Variants in PLCL1 observed in about 807,000 individuals in gnomAD.
PLCL1 encodes phospholipase C like 1 (inactive).
PLCL1 carries 41 observed loss-of-function variants against 84.4 expected under a neutral mutation model. The ratio of observed to expected loss-of-function variants is 0.49; its 90% CI spans 0.38 to 0.63. The LOEUF (loss-of-function observed/expected upper bound fraction) is 0.63, where lower values mean the gene tolerates loss of function less well. Among genes scored for constraint, PLCL1 ranks in the 30% least tolerant of loss-of-function variants. PLCL1 has a pLI of 0.00. For synonymous variants in PLCL1, 490 were observed against 488.3 expected, an observed-to-expected ratio of 1.00 and a Z score of -0.05; for missense variants, 1,206 against 1,367.8, an observed-to-expected ratio of 0.88 and a Z score of 1.87.
chr2:198,121,964 C>T (rs1693877805), intron 5 of PLCL1, among the ~76,000 whole-genome samples: 1 of 152,010 alleles, frequency 6.6e-6, no homozygotes, highest in Non-Finnish European at 1.5e-5. Context: ...GTTTCTAGAT[C>T]AGTGCTTCAG....
intron 1 of PLCL1, among the ~76,000 whole-genome samples, chr2:197,985,458 T>C (rs1690201731): frequency 6.6e-6 from 1 of 152,198 alleles, no homozygotes; most frequent in African/African-American, 2.4e-5. Flanking sequence ...GCTCACTTCA[T>C]ATAGGATGAA....
intron 1 of PLCL1, among the ~76,000 whole-genome samples, chr2:197,976,475 G>A (rs2105801216): frequency 6.6e-6 from 1 of 151,934 alleles, no homozygotes; most frequent in African/African-American, 2.4e-5. Flanking sequence ...CTTTCTCAGA[G>A]TCTCACTCTG....
At chr2:198,016,356 A>G (rs915646432) in intron 1 of PLCL1, among the ~76,000 whole-genome samples, 5 of 152,212 alleles carry the variant, frequency 3.3e-5, no homozygotes, top group African/African-American at 1.2e-4. Flanking sequence ...ACTTGAAAAC[A>G]TTGAATTTGC....
chr2:197,943,590 CA>C (rs1651231997), intron 1 of PLCL1, among the ~76,000 whole-genome samples: 1 of 149,598 alleles, frequency 6.7e-6, no homozygotes, highest in African/African-American at 2.5e-5. Context: ...TCACTTCTTC[CA>C]TATATAATTG....
chr2:197,888,334 T>C (rs1246052075), intron 1 of PLCL1, among the ~76,000 whole-genome samples: 1 of 152,216 alleles, frequency 6.6e-6, no homozygotes, highest in Non-Finnish European at 1.5e-5. Flanking sequence ...TTCAAATATT[T>C]GTTCCCAGTT....
At chr2:197,823,371 T>A (rs563662858) in intron 1 of PLCL1, among the ~76,000 whole-genome samples, 35 of 152,186 alleles carry the variant, frequency 2.3e-4, no homozygotes, top group Middle Eastern at 3.4e-3. Flanking sequence ...TATATATATA[T>A]GTGGTTGGTG....
chr2:197,961,354 T>C (rs1689618465), intron 1 of PLCL1, among the ~76,000 whole-genome samples: 1 of 151,952 alleles, frequency 6.6e-6, no homozygotes, highest in African/African-American at 2.4e-5. Flanking sequence ...TCTTAGAACA[T>C]TTTCTATTAC....
At chr2:197,824,713 C>CAAAAAAA (rs1163183876) in intron 1 of PLCL1, among the ~76,000 whole-genome samples, 3 of 55,540 alleles carry the variant, frequency 5.4e-5, no homozygotes, top group Non-Finnish European at 7.5e-5. Context: ...GACCCTGTCT[C>CAAAAAAA]AAAAAAAAAA....
intron 1 of PLCL1, among the ~76,000 whole-genome samples, chr2:197,829,837 T>G (rs994189631): frequency 3.3e-5 from 5 of 152,200 alleles, no homozygotes; most frequent in African/African-American, 1.2e-4. Context: ...GACATATTTT[T>G]TCCCATGAGT....
At chr2:197,866,270 A>C (rs79593526) in intron 1 of PLCL1, among the ~76,000 whole-genome samples, 2,087 of 149,364 alleles carry the variant, frequency 0.014, 55 homozygotes, top group African/African-American at 0.049. Context: ...AGCTTTTCTT[A>C]GATTAAACAC....
intron 1 of PLCL1, among the ~76,000 whole-genome samples, chr2:197,948,314 A>T (rs956305225): frequency 6.6e-6 from 1 of 152,172 alleles, no homozygotes; most frequent in Non-Finnish European, 1.5e-5. Flanking sequence ...TTTGTTTTGG[A>T]TTTATTAACT....
chr2:197,890,499 A>G (rs1687993558), intron 1 of PLCL1, among the ~76,000 whole-genome samples: 1 of 152,000 alleles, frequency 6.6e-6, no homozygotes, highest in African/African-American at 2.4e-5. Context: ...TTAAAATGGG[A>G]AAAGCTTTAA....
intron 1 of PLCL1, among the ~76,000 whole-genome samples, chr2:197,848,871 TG>T (rs1687169508): frequency 6.6e-6 from 1 of 151,912 alleles, no homozygotes; most frequent in African/African-American, 2.4e-5. Context: ...CTACCAGTCC[TG>T]GGGAAGTAAA....
rs1690160524 is a variant in PLCL1 at position 197,983,488 on chromosome 2, C to T, written c.241-100270C>T. 2.6e-5 allele frequency among the ~76,000 whole-genome samples: 4 copies of T among 152,104 alleles called. No individual in the cohort carries two copies. In the South Asian group the frequency reaches 8.3e-4, roughly 32 times the overall value. On this transcript the variant is annotated intron_variant, in intron 1 of 5. Transcript: ENST00000428675. ...GCTCAAGTAATCCTCTCGCCTTGGC[C>T]TCCCAAAGTGTTGGGATTACAAGCA... is the stretch of plus-strand genomic sequence containing the variant.
At chr2:198,093,942 A>G (rs898113882) in intron 3 of PLCL1, among the ~76,000 whole-genome samples, 5 of 152,144 alleles carry the variant, frequency 3.3e-5, no homozygotes, top group African/African-American at 1.2e-4. Flanking sequence ...AGCTTTCCAT[A>G]TTTATTACCC....
At chr2:197,922,675 C>T (rs1385185303) in intron 1 of PLCL1, among the ~76,000 whole-genome samples, 8 of 126,112 alleles carry the variant, frequency 6.3e-5, no homozygotes, top group South Asian at 2.7e-4. Flanking sequence ...CCCTCCCGGA[C>T]GGGGCGGCTG....
chr2:197,814,281 T>C (rs1431588755), intron 1 of PLCL1, among the ~76,000 whole-genome samples: 1 of 152,224 alleles, frequency 6.6e-6, no homozygotes, highest in Admixed American at 6.5e-5. Context: ...CTGTGTCACA[T>C]TTTGGTAATT....
intron 1 of PLCL1, among the ~76,000 whole-genome samples, chr2:198,075,839 A>C (rs1332363875): frequency 6.6e-6 from 1 of 152,236 alleles, no homozygotes; most frequent in South Asian, 2.1e-4. Context: ...TATTCCGGAC[A>C]ACATTAGTGT....
At chr2:197,999,474 A>G (rs932548585) in intron 1 of PLCL1, among the ~76,000 whole-genome samples, 1 of 152,212 alleles carries the variant, frequency 6.6e-6, no homozygotes, top group Non-Finnish European at 1.5e-5. Context: ...ATATCCTAAA[A>G]TTTGTAAGAA....
Sources: gnomAD v4.1 joint callset for allele counts (sites outside exome capture counted in the v4.1 genomes callset) on GRCh38, gnomAD v4.1.1 for gene constraint, MANE v1.5 for transcripts, NCBI Gene and HGNC (gene_info 2026-07-23, HGNC 2026-07-21) for gene names.